SAMMSON: variants seen among roughly 807,000 people sequenced by gnomAD.
SAMMSON encodes the protein long intergenic non-protein coding RNA 1212.
chr3:70,124,563 A>G (rs2067447713), intron 4 of SAMMSON, among the ~76,000 whole-genome samples: 1 of 152,156 alleles, frequency 6.6e-6, no homozygotes, highest in Non-Finnish European at 1.5e-5. Flanking sequence ...CTGTAATCCC[A>G]GCACTTTGGG....
intron 6 of SAMMSON, among the ~76,000 whole-genome samples, chr3:70,274,099 G>A (rs1022075798): frequency 7.0e-4 from 105 of 150,120 alleles, no homozygotes; most frequent in Non-Finnish European, 1.2e-3. Context: ...GTGCGCGCGC[G>A]CATGTGTGTG....
intron 3 of SAMMSON, among the ~76,000 whole-genome samples, chr3:70,044,405 G>A (rs748233832): frequency 2.0e-5 from 3 of 151,974 alleles, no homozygotes; most frequent in Admixed American, 6.6e-5. Context: ...AAGACACTAT[G>A]CAATGTGCTT....
intron 9 of SAMMSON, among the ~76,000 whole-genome samples, chr3:70,370,907 G>T (rs780963780): frequency 1.1e-4 from 17 of 152,090 alleles, no homozygotes; most frequent in Non-Finnish European, 2.1e-4. Flanking sequence ...ATGCTCAGGG[G>T]AGTTTTCCCT....
intron 4 of SAMMSON, among the ~76,000 whole-genome samples, chr3:70,247,365 C>T (rs565286383): frequency 4.8e-4 from 73 of 151,892 alleles, no homozygotes; most frequent in Admixed American, 2.0e-3. Context: ...ATGGTTAATG[C>T]GGAGAGAGTT....
At chr3:70,013,011 G>T (rs1283745590) in intron 2 of SAMMSON, among the ~76,000 whole-genome samples, 1 of 152,114 alleles carries the variant, frequency 6.6e-6, no homozygotes, top group African/African-American at 2.4e-5. Flanking sequence ...AGATCATCTA[G>T]TTTTGAAACA....
intron 2 of SAMMSON, among the ~76,000 whole-genome samples, chr3:70,413,713 G>C (rs1559584205): frequency 6.6e-6 from 1 of 152,026 alleles, no homozygotes; most frequent in Non-Finnish European, 1.5e-5. Context: ...TTCAGAAATT[G>C]TGTGTATAAA....
At position 70,224,682 on chromosome 3, in the gene SAMMSON, C is replaced by T. The variant is rs147323450; in HGVS notation, n.508-24425C>T. Among the ~76,000 whole-genome samples, 256 of 152,056 alleles carry T rather than the reference C, an allele frequency of 1.7e-3. 2 individuals are homozygous for T. The highest frequency in any genetic ancestry group is 5.8e-3 in the African/African-American group (242 of 41,486). On this transcript the variant is annotated intron_variant and non_coding_transcript_variant, in intron 4 of 9. Coordinates refer to ENST00000642114, the Ensembl canonical transcript of SAMMSON. ...ACTTGGGAATCCACTCTCTGAGACC[C>T]GTGGAGTTAAATATCAGGAGAAAAT... is the stretch of plus-strand genomic sequence containing the variant.
At chr3:70,329,589 A>G (rs549671947) in intron 7 of SAMMSON, among the ~76,000 whole-genome samples, 22 of 152,208 alleles carry the variant, frequency 1.4e-4, no homozygotes, top group Admixed American at 5.9e-4. Flanking sequence ...CTGTTTTAAT[A>G]GAAAATGTTC....
At chr3:70,403,203 C>G (rs1299518842) in intron 2 of SAMMSON, among the ~76,000 whole-genome samples, 3 of 152,036 alleles carry the variant, frequency 2.0e-5, no homozygotes, top group African/African-American at 7.2e-5. Context: ...CCTACCCTGC[C>G]CTGTGCAGAC....
chr3:70,130,566 C>T (rs1463095467), intron 4 of SAMMSON, among the ~76,000 whole-genome samples: 1 of 152,060 alleles, frequency 6.6e-6, no homozygotes, highest in Non-Finnish European at 1.5e-5. Flanking sequence ...GGAGGTGGCA[C>T]TGGGTGACTT....
At chr3:70,412,394 G>A (rs920083025) in intron 2 of SAMMSON, among the ~76,000 whole-genome samples, 3 of 152,098 alleles carry the variant, frequency 2.0e-5, no homozygotes, top group Admixed American at 6.5e-5. Flanking sequence ...ACAAATAAAA[G>A]ACTAAAATGC....
intron 4 of SAMMSON, among the ~76,000 whole-genome samples, chr3:70,105,750 G>A (rs1230823673): frequency 6.6e-6 from 1 of 152,148 alleles, no homozygotes; most frequent in African/African-American, 2.4e-5. Context: ...ATAATTAAGG[G>A]TGTCAGCGTG....
At chr3:70,004,645 G>C (rs1344240166) in intron 1 of SAMMSON, among the ~76,000 whole-genome samples, 1 of 152,224 alleles carries the variant, frequency 6.6e-6, no homozygotes, top group South Asian at 2.1e-4. Context: ...ATTTTTTAAA[G>C]TTTGAAAATT....
chr3:70,091,074 C>T (rs2067303133), intron 4 of SAMMSON, among the ~76,000 whole-genome samples: 1 of 152,100 alleles, frequency 6.6e-6, no homozygotes, highest in African/African-American at 2.4e-5. Flanking sequence ...CCATCATAGA[C>T]CACATACAAA....
chr3:70,097,453 A>G (rs1469918506), intron 4 of SAMMSON, among the ~76,000 whole-genome samples: 1 of 152,194 alleles, frequency 6.6e-6, no homozygotes, highest in Non-Finnish European at 1.5e-5. Flanking sequence ...TTCTTTTGCT[A>G]TTTTTATAAA....
chr3:70,004,605 A>G (rs910876008), intron 1 of SAMMSON, among the ~76,000 whole-genome samples: 2 of 152,200 alleles, frequency 1.3e-5, no homozygotes, highest in African/African-American at 4.8e-5. Flanking sequence ...AAACAAAGAA[A>G]TACCTAAACC....
At chr3:70,000,939 T>G (rs946128252) in intron 1 of SAMMSON, among the ~76,000 whole-genome samples, 4 of 152,194 alleles carry the variant, frequency 2.6e-5, no homozygotes, top group Non-Finnish European at 5.9e-5. Context: ...TATCTTGCCG[T>G]AAGTCATTAT....
chr3:70,407,288 A>G (rs899724118), intron 2 of SAMMSON, among the ~76,000 whole-genome samples: 3 of 152,276 alleles, frequency 2.0e-5, no homozygotes, highest in East Asian at 3.9e-4. Flanking sequence ...TTCAAAACCA[A>G]TCATACTTTC....
At chr3:70,380,664 G>A (rs1197232582) in intron 9 of SAMMSON, among the ~76,000 whole-genome samples, 2 of 151,908 alleles carry the variant, frequency 1.3e-5, no homozygotes, top group Admixed American at 6.6e-5. Flanking sequence ...TTAACATTAG[G>A]TATATCTCCT....
Sources: gnomAD v4.1 joint callset for allele counts (sites outside exome capture counted in the v4.1 genomes callset) on GRCh38, gnomAD v4.1.1 for gene constraint, MANE v1.5 for transcripts, NCBI Gene and HGNC (gene_info 2026-07-23, HGNC 2026-07-21) for gene names.